The following NRG3 variants were observed in gnomAD, a reference collection of about 807,000 sequenced individuals.
NRG3 encodes neuregulin 3, also known as pro-neuregulin-3, membrane-bound isoform.
A neutral mutation model predicts 66.9 loss-of-function variants in NRG3; 31 were observed. The observed-to-expected ratio is 0.46, with a 90% CI of 0.35 to 0.63. NRG3 has a LOEUF of 0.63. NRG3 is among the 20% of genes least tolerant of loss of function. NRG3 has a pLI of 0.00. For synonymous variants in NRG3, 393 were observed against 359.4 expected, an observed-to-expected ratio of 1.09 and a Z score of -1.06; for missense variants, 910 against 878.9, an observed-to-expected ratio of 1.04 and a Z score of -0.45.
chr10:82,308,867 C>T (rs1273362897), intron 1 of NRG3, among the ~76,000 whole-genome samples: 1 of 152,102 alleles, frequency 6.6e-6, no homozygotes, highest in Non-Finnish European at 1.5e-5. Context: ...TGGTTTCCTC[C>T]ACCTGATATA....
intron 1 of NRG3, among the ~76,000 whole-genome samples, chr10:82,117,339 T>C (rs71483401): frequency 6.6e-6 from 1 of 152,128 alleles, no homozygotes; most frequent in Non-Finnish European, 1.5e-5. Flanking sequence ...CCCAATCTGA[T>C]AACTAGCAGC....
chr10:82,274,982 T>G (rs1473927080), intron 1 of NRG3, among the ~76,000 whole-genome samples: 1 of 152,060 alleles, frequency 6.6e-6, no homozygotes, highest in East Asian at 1.9e-4. Flanking sequence ...TCAGTTTTCT[T>G]GGACTGCTAG....
chr10:82,180,067 G>T (rs1400064388), intron 1 of NRG3, among the ~76,000 whole-genome samples: 1 of 151,480 alleles, frequency 6.6e-6, no homozygotes, highest in Non-Finnish European at 1.5e-5. Context: ...AAACACAACT[G>T]ATTTTTGCAT....
At chr10:82,564,558 C>T (rs559054910) in intron 2 of NRG3, among the ~76,000 whole-genome samples, 1 of 152,204 alleles carries the variant, frequency 6.6e-6, no homozygotes, top group South Asian at 2.1e-4. Context: ...TAATGGGTAA[C>T]CTTTCAGGCT....
chr10:81,976,872 TGAA>T (rs2060144370), intron 1 of NRG3, among the ~76,000 whole-genome samples: 1 of 152,150 alleles, frequency 6.6e-6, no homozygotes, highest in South Asian at 2.1e-4. Flanking sequence ...AAAATAAAAA[TGAA>T]GAGCATCTGA....
At chr10:82,162,248 G>A (rs776913823) in intron 1 of NRG3, among the ~76,000 whole-genome samples, 1 of 152,128 alleles carries the variant, frequency 6.6e-6, no homozygotes, top group South Asian at 2.1e-4. Flanking sequence ...AGCTAAAGGA[G>A]AGGTGAATGG....
chr10:82,283,398 TAC>T (rs1428505485), intron 1 of NRG3, among the ~76,000 whole-genome samples: 17 of 152,212 alleles, frequency 1.1e-4, no homozygotes, highest in African/African-American at 3.6e-4. Context: ...GCTCTGGCAG[TAC>T]ACAGAGTCAA....
intron 1 of NRG3, among the ~76,000 whole-genome samples, chr10:82,064,223 T>C (rs1253839411): frequency 6.6e-6 from 1 of 152,196 alleles, no homozygotes; most frequent in Non-Finnish European, 1.5e-5. Flanking sequence ...CTTATAGTCC[T>C]GAGATCACAG....
At chr10:82,074,867 A>C in intron 1 of NRG3, among the ~76,000 whole-genome samples, 1 of 152,178 alleles carries the variant, frequency 6.6e-6, no homozygotes, top group Non-Finnish European at 1.5e-5. Context: ...AATCATTTAA[A>C]ATGTTCATAA....
At chr10:82,590,408 C>T (rs117996285) in intron 2 of NRG3, among the ~76,000 whole-genome samples, 1,549 of 152,134 alleles carry the variant, frequency 0.01, 8 homozygotes, top group Admixed American at 0.015. Flanking sequence ...AAGAAGGCCC[C>T]TAGGTGGAGC....
intron 1 of NRG3, among the ~76,000 whole-genome samples, chr10:82,008,521 T>C (rs2061458421): frequency 6.6e-6 from 1 of 152,212 alleles, no homozygotes; most frequent in Non-Finnish European, 1.5e-5. Flanking sequence ...TCACTCTGAA[T>C]TGTTCTCTGG....
chr10:82,386,063 C>A (rs2085963964), intron 2 of NRG3, among the ~76,000 whole-genome samples: 1 of 152,028 alleles, frequency 6.6e-6, no homozygotes, highest in East Asian at 1.9e-4. Context: ...GAGGCTTTTC[C>A]ATCAAATATA....
At chr10:82,264,588 G>C (rs1564727303) in intron 1 of NRG3, among the ~76,000 whole-genome samples, 1 of 152,170 alleles carries the variant, frequency 6.6e-6, no homozygotes, top group Non-Finnish European at 1.5e-5. Context: ...ATGTGTACAT[G>C]GAGTAAAGGG....
At chr10:82,192,938 G>T (rs2074238808) in intron 1 of NRG3, among the ~76,000 whole-genome samples, 1 of 151,530 alleles carries the variant, frequency 6.6e-6, no homozygotes, top group East Asian at 2.0e-4. Context: ...AAATGAGGTA[G>T]GTTGTTCAAG....
intron 3 of NRG3, among the ~76,000 whole-genome samples, chr10:82,829,572 G>A (rs2062411038): frequency 6.6e-6 from 1 of 152,134 alleles, no homozygotes; most frequent in Non-Finnish European, 1.5e-5. Flanking sequence ...CAGTGCTGAG[G>A]TAGTAAGAAC....
intron 2 of NRG3, among the ~76,000 whole-genome samples, chr10:82,548,732 A>G (rs2044104355): frequency 6.6e-6 from 1 of 151,924 alleles, no homozygotes. Context: ...ATAAGCATGA[A>G]GAAGGAGACA....
Position 82,973,799 on chromosome 10 carries a change from G to A in NRG3, c.1296G>A (p.Val432=). ...SHVQLQNYSK[V]ERHPVTALEK... ...GTGATTTCCCACAGTATTCAAAGGT[G>A]GAAAGGCATCCTGTGACTGCATTGG... The change falls in exon 7 of 9, where the codon GTG becomes GTA. Residue 432 remains valine (V), a synonymous_variant. Coordinates refer to ENST00000372141, the MANE Select transcript of NRG3 (RefSeq NM_001010848.4). 6.2e-7 allele frequency: 1 copy of A among 1,614,008 alleles called. No individual in the cohort carries two copies. The highest frequency in any genetic ancestry group is 8.5e-7 in the Non-Finnish European group (1 of 1,179,898).
intron 1 of NRG3, among the ~76,000 whole-genome samples, chr10:82,117,652 A>G (rs2067811748): frequency 6.6e-6 from 1 of 152,052 alleles, no homozygotes; most frequent in South Asian, 2.1e-4. Flanking sequence ...TTTACCTGGC[A>G]GGGTGTGCTG....
intron 3 of NRG3, among the ~76,000 whole-genome samples, chr10:82,784,616 A>G (rs2060264519): frequency 6.6e-6 from 1 of 152,172 alleles, no homozygotes; most frequent in African/African-American, 2.4e-5. Flanking sequence ...GCTCATCATC[A>G]CTGGCCATCA....
Sources: gnomAD v4.1 joint callset for allele counts (sites outside exome capture counted in the v4.1 genomes callset) on GRCh38, gnomAD v4.1.1 for gene constraint, MANE v1.5 for transcripts, NCBI Gene and HGNC (gene_info 2026-07-23, HGNC 2026-07-21) for gene names.